Variants in CFAP77 observed in about 807,000 individuals in gnomAD.
The protein encoded by CFAP77 is cilia and flagella associated protein 77, also known as cilia- and flagella-associated protein 77.
In CFAP77, 25 loss-of-function variants were observed where a neutral mutation model predicts 31.1. The observed-to-expected ratio is 0.80, with a 90% CI of 0.59 to 1.12. The LOEUF (loss-of-function observed/expected upper bound fraction) is 1.12. Ranked by LOEUF, CFAP77 falls within the 50% of genes most tolerant of loss-of-function variation. The probability of loss-of-function intolerance (pLI) is 0.00; values close to 1 mark genes in which losing one functional copy is unlikely to be tolerated. For synonymous variants in CFAP77, 151 were observed against 159.9 expected, an observed-to-expected ratio of 0.94 and a Z score of 0.42; for missense variants, 377 against 397.3, an observed-to-expected ratio of 0.95 and a Z score of 0.44.
Position 132,552,991 on chromosome 9 carries a change from C to G in CFAP77, c.732+9944C>G, listed in dbSNP as rs1030868672. ...GAACTTCTGTCTTAGTCAGGCTGCTCTAACAAAATCCCATAGACTGGGGAG... is the reference window on the plus strand; with the variant it reads ...GAACTTCTGTCTTAGTCAGGCTGCTGTAACAAAATCCCATAGACTGGGGAG... On this transcript the variant is annotated intron_variant, in intron 5 of 5. Coordinates refer to ENST00000393216, the MANE Select transcript of CFAP77 (RefSeq NM_001282957.2). The surrounding 1 kb of genome is among the most constrained non-coding windows in gnomAD (Gnocchi z 5.5). Among the ~76,000 whole-genome samples, 1 of 152,206 alleles carries G rather than the reference C, an allele frequency of 6.6e-6. No individual in the cohort carries two copies. The highest frequency in any genetic ancestry group is 6.5e-5 in the Admixed American group (1 of 15,272).
chr9:132,457,925 CTTAA>C (rs1244116505), intron 1 of CFAP77, among the ~76,000 whole-genome samples: 1 of 152,198 alleles, frequency 6.6e-6, no homozygotes, highest in Non-Finnish European at 1.5e-5. Flanking sequence ...TTTGGATTGA[CTTAA>C]TTAATCTGGT....
At chr9:132,526,386 C>T (rs1055995121) in intron 3 of CFAP77, among the ~76,000 whole-genome samples, 15 of 150,948 alleles carry the variant, frequency 9.9e-5, no homozygotes, top group African/African-American at 3.1e-4. Context: ...CCCGCCACCA[C>T]GCCTGGCTAA....
At chr9:132,557,753 C>T (rs1038413718) in intron 5 of CFAP77, among the ~76,000 whole-genome samples, 12 of 152,158 alleles carry the variant, frequency 7.9e-5, no homozygotes, top group African/African-American at 2.7e-4. Context: ...CAGCCCCTAC[C>T]GGCCTCCTCA....
intron 1 of CFAP77, among the ~76,000 whole-genome samples, chr9:132,430,818 A>T (rs1478679085): frequency 6.6e-6 from 1 of 152,184 alleles, no homozygotes; most frequent in Non-Finnish European, 1.5e-5. Context: ...TAAAAAAAAA[A>T]AGAAGATGCT....
chr9:132,483,407 G>A (rs557183485), intron 1 of CFAP77, among the ~76,000 whole-genome samples: 4 of 152,202 alleles, frequency 2.6e-5, no homozygotes, highest in Admixed American at 2.6e-4. Context: ...AAGGAGCGTC[G>A]AGCCCCTGAG....
chr9:132,436,932 G>T (rs1850513419), intron 1 of CFAP77, among the ~76,000 whole-genome samples: 1 of 152,102 alleles, frequency 6.6e-6, no homozygotes, highest in Non-Finnish European at 1.5e-5. Flanking sequence ...ATGAAAAGTG[G>T]TAAGTTATAG....
intron 1 of CFAP77, among the ~76,000 whole-genome samples, chr9:132,472,476 G>A (rs1470878156): frequency 2.0e-5 from 3 of 152,218 alleles, no homozygotes; most frequent in South Asian, 4.1e-4. Flanking sequence ...ACCATCGTTG[G>A]CCAGGTGCAT....
rs547511249 is a variant in CFAP77, at chr9:132,572,521, C to T, written c.*11C>T. ...TACACCCACCCCTAGCCCCTCCCTC[C>T]CCTGCCACAAGAAGCCATCTTGACA... is the stretch of plus-strand genomic sequence containing the variant. On this transcript the variant is annotated 3_prime_UTR_variant, in exon 6 of 6. Coordinates refer to ENST00000393216, the MANE Select transcript of CFAP77 (RefSeq NM_001282957.2). 1.8e-5 allele frequency: 29 copies of T among 1,599,614 alleles called. No homozygotes were observed. In the East Asian group the frequency reaches 4.7e-4, roughly 26 times the overall value.
At chr9:132,537,830 G>T in intron 4 of CFAP77, 124 bp downstream of exon 4, 4 of 701,812 alleles carry the variant, frequency 5.7e-6, no homozygotes, top group Non-Finnish European at 9.9e-6. Flanking sequence ...TGGGAAATCA[G>T]GTTGCATCTT....
At chr9:132,567,040 C>A (rs141303330) in intron 5 of CFAP77, among the ~76,000 whole-genome samples, 1 of 152,244 alleles carries the variant, frequency 6.6e-6, no homozygotes, top group Non-Finnish European at 1.5e-5. Context: ...CACGAGCAGA[C>A]CCTGCTTCAT....
intron 5 of CFAP77, among the ~76,000 whole-genome samples, chr9:132,570,246 G>A (rs183513907): frequency 1.3e-5 from 2 of 152,338 alleles, no homozygotes; most frequent in Admixed American, 1.3e-4. Flanking sequence ...TTGAGCTGAG[G>A]GCACAATCAT....
intron 1 of CFAP77, among the ~76,000 whole-genome samples, chr9:132,485,365 C>T (rs1258157849): frequency 6.6e-6 from 1 of 152,150 alleles, no homozygotes; most frequent in Admixed American, 6.5e-5. Flanking sequence ...GGAGGTTAAG[C>T]ATTATAACTT....
chr9:132,421,929 T>G (rs1850222919), intron 1 of CFAP77, among the ~76,000 whole-genome samples: 1 of 152,064 alleles, frequency 6.6e-6, no homozygotes, highest in African/African-American at 2.4e-5. Flanking sequence ...ATTTGACCAT[T>G]TGCAAAATGT....
At chr9:132,541,059 G>A (rs185479153) in intron 4 of CFAP77, among the ~76,000 whole-genome samples, 2 of 152,284 alleles carry the variant, frequency 1.3e-5, no homozygotes, top group African/African-American at 4.8e-5. Context: ...GTCTGGGGTT[G>A]ATAGACAATT....
chr9:132,469,990 C>A (rs757424107), intron 1 of CFAP77, among the ~76,000 whole-genome samples: 9 of 152,028 alleles, frequency 5.9e-5, no homozygotes, highest in Admixed American at 2.0e-4. Context: ...CAGGCATGTG[C>A]CACCACACCC....
chr9:132,461,590 T>G (rs1851050710), intron 1 of CFAP77, among the ~76,000 whole-genome samples: 1 of 152,172 alleles, frequency 6.6e-6, no homozygotes, highest in African/African-American at 2.4e-5. Context: ...TTCATGATCA[T>G]TCAGCAAAGA....
intron 1 of CFAP77, among the ~76,000 whole-genome samples, chr9:132,471,374 C>T (rs2131735761): frequency 6.6e-6 from 1 of 150,380 alleles, no homozygotes; most frequent in South Asian, 2.1e-4. Flanking sequence ...TCTTGGGGCA[C>T]CCTGCCTGCC....
At position 132,495,418 on chromosome 9, in the gene CFAP77, C is replaced by G. The variant is rs72767806; in HGVS notation, c.196-3277C>G. ...AGAGAAGTCACATTTTAATTAACTTCCCCGGCAGTCACTGGAGAGGCCGGA... is the reference window on the plus strand; with the variant it reads ...AGAGAAGTCACATTTTAATTAACTTGCCCGGCAGTCACTGGAGAGGCCGGA... On this transcript the variant is annotated intron_variant, in intron 1 of 5. Coordinates refer to ENST00000393216, the MANE Select transcript of CFAP77 (RefSeq NM_001282957.2). This position sits in a 1 kb window ranked among gnomAD's most constrained non-coding sequence, Gnocchi z 4.2. Among the ~76,000 whole-genome samples the G allele has an allele frequency of 6.6e-5, 10 of 152,204 alleles. No individual in the cohort carries two copies. Among genetic ancestry groups the G allele is most frequent in the African/African-American group, 2.4e-4 (10 of 41,536 alleles).
chr9:132,551,304 A>G (rs1331418671), intron 5 of CFAP77, among the ~76,000 whole-genome samples: 2 of 135,852 alleles, frequency 1.5e-5, no homozygotes, highest in African/African-American at 2.8e-5. Flanking sequence ...TTTAAACTGT[A>G]TTTTATTTTT....
Sources: gnomAD v4.1 joint callset for allele counts (sites outside exome capture counted in the v4.1 genomes callset) on GRCh38, gnomAD v4.1.1 for gene constraint, Gnocchi (gnomAD v3.1) non-coding constraint, MANE v1.5 for transcripts, NCBI Gene and HGNC (gene_info 2026-07-23, HGNC 2026-07-21) for gene names.